Variants in SNAPC1 observed in about 807,000 individuals in gnomAD.
SNAPC1 encodes snRNA-activating protein complex subunit 1.
In SNAPC1, 42 loss-of-function variants were observed where a neutral mutation model predicts 50.1. That is an observed-to-expected ratio of 0.84 (90% CI 0.65 to 1.08). SNAPC1 has a LOEUF of 1.08. Ranked by LOEUF, SNAPC1 falls within the 50% of genes least tolerant of loss-of-function variation. The pLI is 0.00. For synonymous variants in SNAPC1, 164 were observed against 144.2 expected (o/e 1.14, Z -0.98); for missense variants, 477 against 427.3 (o/e 1.12, Z -1.02).
chr14:61,794,839 T>C (rs111596266), intron 9 of SNAPC1, 110 bp from the exon 10 acceptor site: 1 of 765,056 alleles, frequency 1.3e-6, no homozygotes, highest in African/African-American at 1.8e-5. Flanking sequence ...GTCTATGTAG[T>C]TGAAATGTGT....
chr14:61,777,329 G>A (rs778053216), intron 5 of SNAPC1, among the ~76,000 whole-genome samples: 3 of 152,166 alleles, frequency 2.0e-5, no homozygotes, highest in Non-Finnish European at 4.4e-5. Context: ...CCTACAAATA[G>A]GTTACACAAA....
intron 4 of SNAPC1, among the ~76,000 whole-genome samples, chr14:61,769,341 G>A (rs2044971137): frequency 6.7e-6 from 1 of 149,704 alleles, no homozygotes; most frequent in South Asian, 2.1e-4. Context: ...GGGCAACAGA[G>A]CAAGATTCCG....
intron 8 of SNAPC1, among the ~76,000 whole-genome samples, chr14:61,783,829 C>T (rs568023772): frequency 4.3e-4 from 66 of 152,262 alleles, no homozygotes; most frequent in African/African-American, 1.6e-3. Flanking sequence ...TGAGCCACCG[C>T]ACCTGGCAAT....
intron 9 of SNAPC1, 27 bp from the exon 10 acceptor site, chr14:61,794,918 TCTGA>T: frequency 6.6e-7 from 1 of 1,515,682 alleles, no homozygotes; most frequent in Non-Finnish European, 9.1e-7. Context: ...TGTTTTTAGA[TCTGA>T]CTGACTTTTA....
intron 4 of SNAPC1, among the ~76,000 whole-genome samples, chr14:61,775,603 G>A (rs1405003152): frequency 7.2e-5 from 11 of 152,180 alleles, no homozygotes; most frequent in African/African-American, 2.4e-4. Flanking sequence ...CAATGGGGAA[G>A]CTTATGGGAA....
At position 61,765,767 on chromosome 14, in the gene SNAPC1, T is replaced by C. The variant is rs149713654; in HGVS notation, c.129-1109T>C. Among the ~76,000 whole-genome samples, 56 of 152,326 alleles carry C rather than the reference T, an allele frequency of 3.7e-4. 1 individual carries two copies. Among genetic ancestry groups the C allele is most frequent in the African/African-American group, 1.3e-3 (53 of 41,584 alleles). On this transcript the variant is annotated intron_variant, in intron 1 of 9. Transcript: ENST00000216294. ...TTCCTATGTTATTTCATTGATTGAT[T>C]GCCAACAAAGCCTTGTTGCTCTCTT...
In SNAPC1 at chr14:61,796,202, G is replaced by A. The variant is rs1170566029; in HGVS notation, c.*1219G>A. On this transcript the variant is annotated 3_prime_UTR_variant, in exon 10 of 10. Coordinates refer to ENST00000216294, the MANE Select transcript of SNAPC1 (RefSeq NM_003082.4). The stretch of plus-strand genomic sequence containing the variant: ...TACGAAAAATTAGCCAGGCGTGGTG[G>A]CGGGCGCCTGTAATCCCAGCTACTC... 1.3e-5 allele frequency: 2 copies of A among 152,230 alleles called. No individual in the cohort carries two copies. Among genetic ancestry groups the A allele is most frequent in the African/African-American group, 4.8e-5 (2 of 41,392 alleles). 9.4% of individuals were successfully genotyped at this position (152,230 alleles called of 1,614,324 possible).
chr14:61,795,823 C>G lies in SNAPC1; in HGVS notation c.*840C>G, dbSNP rs1353959127. 6.6e-6 allele frequency: 1 copy of G among 150,812 alleles called. No individual in the cohort carries two copies. Among genetic ancestry groups the G allele is most frequent in the Non-Finnish European group, 1.5e-5 (1 of 67,816 alleles). 9.3% of individuals were successfully genotyped at this position (150,812 alleles called of 1,614,324 possible). A position where few individuals can be genotyped will look rare whatever the true frequency, so the allele number is the denominator to read the frequency against. On this transcript the variant is annotated 3_prime_UTR_variant, in exon 10 of 10. Transcript: ENST00000216294. ...ATGTTGTTTGAATTGCTGCCAATAG[C>G]AGACCATATCCCTATCATGTTGTTG...
chr14:61,794,542 A>T, intron 9 of SNAPC1, among the ~76,000 whole-genome samples: 1 of 152,064 alleles, frequency 6.6e-6, no homozygotes, highest in Middle Eastern at 3.2e-3. Context: ...AGTAGCTGGT[A>T]CTATAGACAT....
At chr14:61,772,590 A>C (rs555073602) in intron 4 of SNAPC1, among the ~76,000 whole-genome samples, 2 of 151,990 alleles carry the variant, frequency 1.3e-5, no homozygotes, top group African/African-American at 4.8e-5. Context: ...AGGTCTTGCT[A>C]TGTTGCCCAG....
chr14:61,781,490 A>C (rs958603481), intron 7 of SNAPC1, among the ~76,000 whole-genome samples: 1 of 151,232 alleles, frequency 6.6e-6, no homozygotes, highest in Non-Finnish European at 1.5e-5. Context: ...AAGAATTGTT[A>C]ATACCTGTAT....
chr14:61,771,610 A>G (rs2044992034), intron 4 of SNAPC1, among the ~76,000 whole-genome samples: 1 of 152,176 alleles, frequency 6.6e-6, no homozygotes. Flanking sequence ...GGAGTCGTAA[A>G]GTTTTAGAGA....
chr14:61,789,141 G>A (rs1323654728), intron 8 of SNAPC1, among the ~76,000 whole-genome samples: 1 of 149,398 alleles, frequency 6.7e-6, no homozygotes, highest in Non-Finnish European at 1.5e-5. Context: ...TGAGGCAGGA[G>A]AATCACTTGA....
In SNAPC1 at chr14:61,768,543, T is replaced by G. The variant is rs2044965286; in HGVS notation, c.430-93T>G. Reference sequence around the variant, plus strand: ...TGGTTTTGTTTTATCTGTGTTTACTTATAGACAATTTTTAGTGCTGGCTTA... The same window carrying G: ...TGGTTTTGTTTTATCTGTGTTTACTGATAGACAATTTTTAGTGCTGGCTTA... On this transcript the variant is annotated intron_variant, in intron 3 of 9. Coordinates refer to ENST00000216294, the MANE Select transcript of SNAPC1 (RefSeq NM_003082.4). 1.9e-5 allele frequency: 13 copies of G among 680,072 alleles called. No homozygotes were observed. The Admixed American group carries it at 3.5e-4, about 18-fold the overall frequency. The allele number at this position is 680,072 out of a possible 1,614,324, so 42.1% of individuals were successfully genotyped here.
At chr14:61,783,055 T>TGG in intron 8 of SNAPC1, among the ~76,000 whole-genome samples, 1 of 147,132 alleles carries the variant, frequency 6.8e-6, no homozygotes, top group South Asian at 2.2e-4. Context: ...GGAGTTTTGC[T>TGG]GTTGTTGCCC....
chr14:61,770,331 C>A, intron 4 of SNAPC1, among the ~76,000 whole-genome samples: 1 of 151,590 alleles, frequency 6.6e-6, no homozygotes, highest in East Asian at 1.9e-4. Flanking sequence ...CAACCTCTGC[C>A]TCCTAGTTTC....
chr14:61,787,246 G>A (rs1349353468), intron 8 of SNAPC1, among the ~76,000 whole-genome samples: 1 of 152,152 alleles, frequency 6.6e-6, no homozygotes, highest in Non-Finnish European at 1.5e-5. Flanking sequence ...AAACTTCTCT[G>A]TATAGCAAAA....
At chr14:61,768,036 T>C (rs144300857) in intron 3 of SNAPC1, among the ~76,000 whole-genome samples, 270 of 152,274 alleles carry the variant, frequency 1.8e-3, no homozygotes, top group African/African-American at 6.1e-3. Flanking sequence ...CGCCTCAGCC[T>C]CCCAAAGTGC....
chr14:61,785,193 G>C (rs959357522), intron 8 of SNAPC1, among the ~76,000 whole-genome samples: 1 of 152,082 alleles, frequency 6.6e-6, no homozygotes, highest in Admixed American at 6.5e-5. Flanking sequence ...ACCTGAGGTT[G>C]GGAGTTCAAG....
Sources: allele counts gnomAD v4.1 joint callset (sites outside exome capture counted in the v4.1 genomes callset), GRCh38; gene constraint gnomAD v4.1.1; transcripts MANE v1.5; gene names NCBI Gene and HGNC (gene_info 2026-07-23, HGNC 2026-07-21).